Variants in PTPRE observed in about 807,000 individuals in gnomAD.
PTPRE encodes the protein receptor-type tyrosine-protein phosphatase epsilon.
A neutral mutation model predicts 102.0 loss-of-function variants in PTPRE; 51 were observed. That is an observed-to-expected ratio of 0.50 (90% CI 0.40 to 0.63). PTPRE has a LOEUF of 0.63. PTPRE is among the 30% of genes least tolerant of loss of function. The pLI is 0.00. For synonymous variants in PTPRE, 345 were observed against 348.2 expected, an observed-to-expected ratio of 0.99 and a Z score of 0.10; for missense variants, 752 against 915.1, an observed-to-expected ratio of 0.82 and a Z score of 2.30.
At chr10:128,081,075 A>T (rs1409039361) in intron 20 of PTPRE, among the ~76,000 whole-genome samples, 1 of 152,138 alleles carries the variant, frequency 6.6e-6, no homozygotes, top group African/African-American at 2.4e-5. Context: ...TTCAAACTCT[A>T]TCTGATTCCA....
chr10:128,070,891 G>C lies in PTPRE; in HGVS notation c.1377G>C (p.Gln459His). ...ACATGAAGAAGGCCAGGGTCATCCA[G>C]ATCATCCCGTGTAAGGCACCCGTGG... The part of the protein sequence containing the change: ...PANMKKARVI[Q>H]IIPYDFNRVI... Residue 459 changes from glutamine to histidine, a missense_variant, in exon 15 of 21, where the codon CAG becomes CAC. Around this residue, in one of 2 missense-constraint regions of PTPRE, gnomAD observed 636 missense variants for 824.4 expected, o/e 0.77. Transcript: ENST00000254667. The surrounding 1 kb of genome is among the most constrained non-coding windows in gnomAD (Gnocchi z 4.8). 6.2e-7 allele frequency: 1 copy of C among 1,613,910 alleles called. No homozygotes were observed. The highest frequency in any genetic ancestry group is 8.5e-7 in the Non-Finnish European group (1 of 1,179,764).
chr10:128,023,529 A>G (rs539784330), intron 2 of PTPRE, among the ~76,000 whole-genome samples: 3 of 152,268 alleles, frequency 2.0e-5, no homozygotes, highest in African/African-American at 4.8e-5. Context: ...GTTCTATTTT[A>G]TTATTGTTGT....
At chr10:128,010,595 C>CTTTTCTTTTCTTTTCTTTTCTTTT (rs1459323086) in intron 2 of PTPRE, among the ~76,000 whole-genome samples, 48 of 29,244 alleles carry the variant, frequency 1.6e-3, no homozygotes, top group Non-Finnish European at 2.4e-3. Flanking sequence ...TCTTTTCTTT[C>CTTTTCTTTTCTTTTCTTTTCTTTT]CTTTTGAGAT....
At chr10:127,968,059 G>T (rs1349572243) in intron 1 of PTPRE, among the ~76,000 whole-genome samples, 2 of 147,682 alleles carry the variant, frequency 1.4e-5, no homozygotes, top group East Asian at 4.0e-4. Context: ...CCTGGATATA[G>T]GTCACACAGT....
At chr10:128,041,109 T>C (rs753257190) in intron 3 of PTPRE, 119 bp downstream of exon 3, 10 of 850,552 alleles carry the variant, frequency 1.2e-5, no homozygotes, top group African/African-American at 1.7e-5. Flanking sequence ...AATTTCTTAG[T>C]GTGCTTTTAA....
intron 7 of PTPRE, among the ~76,000 whole-genome samples, chr10:128,058,961 C>T (rs1849261554): frequency 6.6e-6 from 1 of 152,182 alleles, no homozygotes; most frequent in Non-Finnish European, 1.5e-5. Flanking sequence ...TGACTTTTGC[C>T]TGTAGAAAGA....
chr10:128,047,717 C>T (rs777498420), intron 4 of PTPRE, 47 bp from the exon 5 acceptor site: 18 of 1,613,876 alleles, frequency 1.1e-5, no homozygotes, highest in African/African-American at 5.3e-5. Context: ...TGTTGGCTCT[C>T]GGGGAACCTA....
chr10:128,010,963 G>A (rs1844963243), intron 2 of PTPRE, among the ~76,000 whole-genome samples: 1 of 152,142 alleles, frequency 6.6e-6, no homozygotes, highest in South Asian at 2.1e-4. Flanking sequence ...TCGTGTCCCA[G>A]GAGCCACCCG....
intron 2 of PTPRE, among the ~76,000 whole-genome samples, chr10:128,040,341 C>T (rs6482650): frequency 0.023 from 3,541 of 152,206 alleles, 151 homozygotes; most frequent in African/African-American, 0.081. Context: ...GATGAGGCTG[C>T]ATGAACTAGG....
intron 9 of PTPRE, 88 bp from the exon 10 acceptor site, chr10:128,062,995 A>G (rs1849744031): frequency 6.3e-7 from 1 of 1,576,320 alleles, no homozygotes; most frequent in South Asian, 1.1e-5. Flanking sequence ...ACAGCTGTCC[A>G]GGGGCCAACG....
intron 10 of PTPRE, among the ~76,000 whole-genome samples, chr10:128,063,877 G>A (rs1222073495): frequency 2.0e-5 from 3 of 152,158 alleles, no homozygotes; most frequent in South Asian, 2.1e-4. Flanking sequence ...CCATGCCATA[G>A]GCAGTGAGCT....
At chr10:128,047,360 G>A (rs771383825) in intron 3 of PTPRE, 30 bp from the exon 4 acceptor site, 1 of 1,608,598 alleles carries the variant, frequency 6.2e-7, no homozygotes, top group Non-Finnish European at 8.5e-7. Flanking sequence ...AGTGAGGTCA[G>A]GGGTTAGGGT....
At chr10:127,959,051 C>A (rs1281285984) in intron 1 of PTPRE, among the ~76,000 whole-genome samples, 1 of 152,178 alleles carries the variant, frequency 6.6e-6, no homozygotes, top group Non-Finnish European at 1.5e-5. Context: ...CATGCGCCAC[C>A]ACACCCCGCT....
At position 128,072,229 on chromosome 10, in the gene PTPRE, C is replaced by T. The variant is rs1850834218; in HGVS notation, c.1464+15C>T. The T allele has an allele frequency of 6.2e-7, 1 of 1,607,702 alleles. No homozygotes were observed. Among genetic ancestry groups the T allele is most frequent in the Non-Finnish European group, 8.5e-7 (1 of 1,175,470 alleles). ...CCTTCATAGACGTACGTATGCTGGC[C>T]TGGGTTGTGTTTATGCAGATGTGTT... On this transcript the variant is annotated intron_variant, in intron 16 of 20. Transcript: ENST00000254667.
At chr10:128,071,107 CCTGCA>C in intron 15 of PTPRE, 1 of 581,606 alleles carries the variant, frequency 1.7e-6, no homozygotes, top group Non-Finnish European at 3.0e-6. Context: ...CCCAGACAGT[CCTGCA>C]TGGGTCTCAG....
intron 2 of PTPRE, among the ~76,000 whole-genome samples, chr10:127,996,940 C>T (rs1415733834): frequency 6.6e-6 from 1 of 152,016 alleles, no homozygotes; most frequent in East Asian, 1.9e-4. Flanking sequence ...TTCTCAGCCT[C>T]AAACCAGGCC....
intron 10 of PTPRE, among the ~76,000 whole-genome samples, chr10:128,063,701 A>G (rs1849816120): frequency 6.6e-6 from 1 of 152,250 alleles, no homozygotes; most frequent in Admixed American, 6.5e-5. Flanking sequence ...ACAAAGAAGA[A>G]AAGTTGAACT....
intron 1 of PTPRE, among the ~76,000 whole-genome samples, chr10:127,964,079 A>G (rs1850050231): frequency 6.6e-6 from 1 of 152,080 alleles, no homozygotes; most frequent in Admixed American, 6.5e-5. Context: ...TGCAAAGATG[A>G]TTGCTCTTGA....
At chr10:128,071,804 C>G in intron 15 of PTPRE, 2 of 207,668 alleles carry the variant, frequency 9.6e-6, no homozygotes, top group Non-Finnish European at 1.9e-5. Flanking sequence ...TCTGGGGCCC[C>G]GGTGTCCTGC....
Sources: allele counts gnomAD v4.1 joint callset (sites outside exome capture counted in the v4.1 genomes callset), GRCh38; gene constraint gnomAD v4.1.1; regional missense constraint gnomAD v4.1.1; non-coding constraint Gnocchi (gnomAD v3.1); transcripts MANE v1.5; gene names NCBI Gene and HGNC (gene_info 2026-07-23, HGNC 2026-07-21).